The following YIPF7 variants were observed in gnomAD, a reference collection of about 807,000 sequenced individuals.
YIPF7 encodes the protein Yip1 domain family member 7.
YIPF7 carries 35 observed loss-of-function variants against 27.2 expected under a neutral mutation model. The observed-to-expected ratio is 1.29, with a 90% CI of 0.98 to 1.70. YIPF7 has a LOEUF of 1.70. Ranked by LOEUF, YIPF7 falls within the 40% of genes most tolerant of loss-of-function variation. The pLI, the probability that YIPF7 is intolerant of heterozygous loss-of-function variation, is 0.00. For synonymous variants in YIPF7, 137 were observed against 110.4 expected (o/e 1.24, Z -1.51); for missense variants, 358 against 303.7 (o/e 1.18, Z -1.33).
chr4:44,650,461 C>T (rs915731401), intron 1 of YIPF7, among the ~76,000 whole-genome samples: 2 of 148,628 alleles, frequency 1.3e-5, no homozygotes, highest in Non-Finnish European at 3.0e-5. Context: ...TTCCCTAAAA[C>T]GATGTTCTTC....
rs115121154 is a variant in YIPF7, at chr4:44,657,676, T to C, written c.-2+2773A>G. ...TTCCGTCGTGCACCAGGACAGCTCA[T>C]TCATATGAAAGGAAGAAGATTCCTG... On this transcript the variant is annotated intron_variant, in intron 2 of 2. Coordinates refer to the YIPF7 transcript ENST00000508947. Among the ~76,000 whole-genome samples the C allele has an allele frequency of 5.2e-3, 797 of 152,244 alleles. 3 individuals carry two copies. The highest frequency in any genetic ancestry group is 8.6e-3 in the Non-Finnish European group (582 of 68,010).
upstream of YIPF7, among the ~76,000 whole-genome samples, chr4:44,652,581 T>C (rs1713768754): frequency 6.6e-6 from 1 of 152,216 alleles, no homozygotes; most frequent in African/African-American, 2.4e-5. Flanking sequence ...AATTTGAATG[T>C]CTTTAATCAC....
intron 2 of YIPF7, among the ~76,000 whole-genome samples, chr4:44,642,949 A>G (rs967908713): frequency 1.3e-5 from 2 of 152,154 alleles, no homozygotes; most frequent in Non-Finnish European, 2.9e-5. Context: ...AGAATGGCCT[A>G]ATACAAGAAA....
In YIPF7 at chr4:44,622,146, G is replaced by C. The variant is rs1359893348; in HGVS notation, c.*268C>G. On this transcript the variant is annotated 3_prime_UTR_variant, in exon 6 of 6. Transcript: ENST00000415895. ...TACTTTTCTCAGAAATACCTCTATT[G>C]AGAAAAGCAGGGTTGATCAGTACAG... The C allele has an allele frequency of 1.8e-5, 6 of 335,968 alleles. No homozygotes were observed. Among genetic ancestry groups the C allele is most frequent in the Non-Finnish European group, 2.7e-5 (5 of 185,342 alleles). 20.8% of individuals were successfully genotyped at this position (335,968 alleles called of 1,614,324 possible). A position where few individuals can be genotyped will look rare whatever the true frequency, so the allele number is the denominator to read the frequency against.
upstream of YIPF7, among the ~76,000 whole-genome samples, chr4:44,653,193 A>G (rs1713787293): frequency 6.6e-6 from 1 of 152,106 alleles, no homozygotes. Context: ...GGATTTTTGA[A>G]TTAGAGAAAA....
Position 44,650,049 on chromosome 4 carries a change from T to C in YIPF7, c.52A>G (p.Ile18Val), listed in dbSNP as rs936492613. Residue 18 changes from isoleucine to valine, a missense_variant, in exon 2 of 6, where the codon ATT becomes GTT. Coordinates refer to ENST00000415895, the MANE Select transcript of YIPF7 (RefSeq NM_182592.3). The part of the protein sequence containing the change: ...DSDFYQSNFT[I>V]DNQEQSGNDS... ...TTACCACTCTGCTCCTGGTTATCAA[T>C]AGTAAAATTAGATTGGTAAAAATCA... 7.6e-6 allele frequency: 12 copies of C among 1,586,946 alleles called. No homozygotes were observed. Among genetic ancestry groups the C allele is most frequent in the African/African-American group, 4.0e-5 (3 of 74,452 alleles).
chr4:44,650,642 A>G (rs75349915), intron 1 of YIPF7, among the ~76,000 whole-genome samples: 2,178 of 152,248 alleles, frequency 0.014, 46 homozygotes, highest in African/African-American at 0.049. Context: ...CAATTCTTAA[A>G]AAGTGTTTGG....
intron 2 of YIPF7, among the ~76,000 whole-genome samples, chr4:44,637,721 G>A (rs1217136361): frequency 3.9e-5 from 6 of 152,110 alleles, no homozygotes; most frequent in Non-Finnish European, 8.8e-5. Flanking sequence ...AACCCAATTT[G>A]TAGTCTTCTA....
At chr4:44,659,316 C>T (rs183995037) in intron 2 of YIPF7, among the ~76,000 whole-genome samples, 3 of 122,940 alleles carry the variant, frequency 2.4e-5, no homozygotes, top group Admixed American at 8.1e-5. Flanking sequence ...ACAATGTATT[C>T]GAACAAAACA....
intron 2 of YIPF7, 34 bp from the exon 3 acceptor site, chr4:44,636,119 T>G (rs905711114): frequency 6.4e-7 from 1 of 1,562,146 alleles, no homozygotes; most frequent in Non-Finnish European, 8.7e-7. Context: ...TTTACATGTC[T>G]AAGAAAAAGG....
intron 4 of YIPF7, among the ~76,000 whole-genome samples, chr4:44,628,224 G>A (rs746450980): frequency 1.2e-4 from 19 of 152,110 alleles, no homozygotes; most frequent in Admixed American, 3.3e-4. Flanking sequence ...TGCATTTGCT[G>A]TAGTACCAAG....
intron 2 of YIPF7, among the ~76,000 whole-genome samples, chr4:44,640,147 T>TTTG (rs1318466188): frequency 1.3e-5 from 2 of 152,190 alleles, no homozygotes; most frequent in Non-Finnish European, 1.5e-5. Context: ...TGGTCTAGTT[T>TTTG]TTGTTGTTGT....
intron 2 of YIPF7, among the ~76,000 whole-genome samples, chr4:44,636,379 C>A (rs188809188): frequency 6.6e-6 from 1 of 152,138 alleles, no homozygotes; most frequent in South Asian, 2.1e-4. Flanking sequence ...AGCTGTATTT[C>A]TAATCCCATT....
At chr4:44,657,567 C>A (rs1184434202) in intron 2 of YIPF7, among the ~76,000 whole-genome samples, 1 of 152,114 alleles carries the variant, frequency 6.6e-6, no homozygotes. Flanking sequence ...TTGGAGTCAA[C>A]CTCCTGCCAG....
At chr4:44,649,043 A>G (rs535543143) in intron 2 of YIPF7, among the ~76,000 whole-genome samples, 1 of 152,256 alleles carries the variant, frequency 6.6e-6, no homozygotes, top group East Asian at 1.9e-4. Flanking sequence ...TGCATATTTA[A>G]TTGCCCAATT....
intron 3 of YIPF7, among the ~76,000 whole-genome samples, chr4:44,630,659 G>A (rs536257713): frequency 6.6e-6 from 1 of 152,238 alleles, no homozygotes; most frequent in South Asian, 2.1e-4. Context: ...AGAAACTTCT[G>A]ATTTTTTTTC....
chr4:44,651,655 A>T (rs1246597046), upstream of YIPF7: 1 of 1,504,024 alleles, frequency 6.6e-7, no homozygotes. Flanking sequence ...GGCTATATAT[A>T]TACCTTTCTA....
chr4:44,632,228 TA>T (rs1439116374), intron 3 of YIPF7, among the ~76,000 whole-genome samples: 1 of 152,210 alleles, frequency 6.6e-6, no homozygotes, highest in African/African-American at 2.4e-5. Flanking sequence ...TATAACATCT[TA>T]TTGTACAAAA....
intron 4 of YIPF7, among the ~76,000 whole-genome samples, chr4:44,624,995 G>A (rs1466405808): frequency 1.3e-5 from 2 of 152,184 alleles, no homozygotes; most frequent in Non-Finnish European, 2.9e-5. Flanking sequence ...GAGTTAGGAT[G>A]GGATAAGCGT....
Sources: allele counts gnomAD v4.1 joint callset (sites outside exome capture counted in the v4.1 genomes callset), GRCh38; gene constraint gnomAD v4.1.1; transcripts MANE v1.5; gene names NCBI Gene and HGNC (gene_info 2026-07-23, HGNC 2026-07-21).